Variants in USH2A observed in about 807,000 individuals in gnomAD.
USH2A encodes the protein usherin, also known as Usher syndrome 2A (autosomal recessive, mild).
In USH2A, 443 loss-of-function variants were observed where a neutral mutation model predicts 538.9. The ratio of observed to expected loss-of-function variants is 0.82; its 90% CI spans 0.76 to 0.89. The LOEUF (loss-of-function observed/expected upper bound fraction) is 0.89, where lower values mean the gene tolerates loss of function less well. Among genes scored for constraint, USH2A ranks in the 40% least tolerant of loss-of-function variants. The pLI is 0.00. For missense variants in USH2A, 6,633 were observed against 6,324.8 expected, an observed-to-expected ratio of 1.05 and a Z score of -1.65; for synonymous variants, 2,413 against 2,273.5, an observed-to-expected ratio of 1.06 and a Z score of -1.75.
chr1:215,799,173 G>A, intron 49 of USH2A, 48 bp from the exon 50 acceptor site: 1 of 1,535,402 alleles, frequency 6.5e-7, no homozygotes, highest in South Asian at 1.2e-5. Context: ...AAAAAAATAT[G>A]CTATGACTAA....
At chr1:216,204,583 A>G (rs1167117440) in intron 16 of USH2A, among the ~76,000 whole-genome samples, 2 of 152,184 alleles carry the variant, frequency 1.3e-5, no homozygotes, top group African/African-American at 4.8e-5. Flanking sequence ...CAAACAAACT[A>G]TCAAACTTGC....
chr1:216,360,766 G>A (rs1178614736), intron 4 of USH2A, among the ~76,000 whole-genome samples: 2 of 152,014 alleles, frequency 1.3e-5, no homozygotes, highest in East Asian at 1.9e-4. Context: ...ACAAATAGGA[G>A]TGAGACCTCT....
chr1:215,830,659 G>A (rs1000321255), intron 47 of USH2A, among the ~76,000 whole-genome samples: 2 of 152,146 alleles, frequency 1.3e-5, no homozygotes, highest in South Asian at 2.1e-4. Context: ...ATGAACGAAC[G>A]CAAGTCCTGA....
intron 21 of USH2A, among the ~76,000 whole-genome samples, chr1:216,114,529 A>T (rs1258399812): frequency 6.6e-6 from 1 of 152,104 alleles, no homozygotes; most frequent in Non-Finnish European, 1.5e-5. Context: ...TTCATTTTTT[A>T]CATAATTTTA....
rs144248695 is a variant in USH2A, at chr1:216,055,905, CT to C, written c.6050-7259del. 9.7e-3 allele frequency among the ~76,000 whole-genome samples: 1,481 copies of C among 152,206 alleles called. 28 individuals are homozygous for C. The highest frequency in any genetic ancestry group is 0.034 in the African/African-American group (1,422 of 41,526). ...ATTTCCTTCAAATGGGTTTTTTGAC[CT>C]TGTTTAAAACTTTTGGTAGAGAGCA... is the stretch of plus-strand genomic sequence containing the variant. On this transcript the variant is annotated intron_variant, in intron 30 of 71. Transcript: ENST00000307340.
intron 32 of USH2A, among the ~76,000 whole-genome samples, chr1:216,003,846 C>T (rs574462123): frequency 6.6e-4 from 100 of 152,144 alleles, no homozygotes; most frequent in African/African-American, 2.0e-3. Flanking sequence ...GGCTGCCAGA[C>T]GTATAGATGG....
chr1:216,200,578 C>T (rs1237760951), intron 16 of USH2A, among the ~76,000 whole-genome samples: 1 of 152,146 alleles, frequency 6.6e-6, no homozygotes. Context: ...TTCTGACCTA[C>T]AGAAATTATA....
At chr1:216,017,903 T>C (rs1668755719) in intron 32 of USH2A, among the ~76,000 whole-genome samples, 2 of 152,186 alleles carry the variant, frequency 1.3e-5, no homozygotes, top group Admixed American at 1.3e-4. Flanking sequence ...CATAAGAAAG[T>C]AATGAATCTC....
chr1:215,998,758 T>C (rs1469270199), intron 34 of USH2A, 129 bp downstream of exon 34: 1 of 979,212 alleles, frequency 1.0e-6, no homozygotes, highest in South Asian at 1.4e-5. Flanking sequence ...GAGTTTTCAG[T>C]ATAAACAGCA....
chr1:216,301,954 G>T (rs1398380), intron 9 of USH2A, among the ~76,000 whole-genome samples: 110,391 of 151,600 alleles, frequency 0.73, 40,257 homozygotes, highest in East Asian at 0.79. Context: ...GCAATTCCAT[G>T]GTAATTCAAA....
At position 215,758,602 on chromosome 1, in the gene USH2A, T is replaced by C. The variant is rs200521328; in HGVS notation, c.11382A>G (p.Ile3794Met). The C allele has an allele frequency of 1.4e-5, 23 of 1,612,820 alleles. No individual in the cohort carries two copies. The East Asian group carries it at 4.7e-4, about 33-fold the overall frequency. Residue 3794 changes from isoleucine (I) to methionine (M), a missense_variant, in exon 58 of 72, where the codon ATA becomes ATG. Ile to Met is a conservative substitution (Grantham distance 10). Coordinates refer to ENST00000307340, the MANE Select transcript of USH2A (RefSeq NM_206933.4). ...IGPYSIFVAW[I>M]PPGILIPEIP... is the part of the protein sequence containing the mutation. The stretch of plus-strand genomic sequence containing the variant: ...CTTCTTTTTTTTTTTTACCTGGTGG[T>C]ATCCAAGCTACAAATATAGAATAAG...
intron 44 of USH2A, among the ~76,000 whole-genome samples, chr1:215,864,937 T>C (rs895727240): frequency 4.6e-5 from 7 of 152,300 alleles, no homozygotes; most frequent in Admixed American, 3.9e-4. Context: ...ACAAAGACCA[T>C]GCTTTAAAAT....
chr1:216,240,903 A>T (rs912905731), intron 13 of USH2A, among the ~76,000 whole-genome samples: 2 of 152,198 alleles, frequency 1.3e-5, no homozygotes, highest in Admixed American at 6.5e-5. Context: ...CTAAAGATCA[A>T]CCAGCCTGAA....
At chr1:216,301,208 AG>A (rs1292814483) in intron 9 of USH2A, among the ~76,000 whole-genome samples, 1 of 152,206 alleles carries the variant, frequency 6.6e-6, no homozygotes, top group Non-Finnish European at 1.5e-5. Flanking sequence ...CTTTGAAAAA[AG>A]AAGGAAGAAA....
In USH2A at chr1:215,758,671, T is replaced by A. The variant is rs1218823336; in HGVS notation, c.11313A>T (p.Thr3771=). The A allele has an allele frequency of 6.2e-7, 1 of 1,613,928 alleles. No homozygotes were observed. The highest frequency in any genetic ancestry group is 1.1e-5 in the South Asian group (1 of 91,080). Residue 3771 remains threonine (T), a synonymous_variant, in exon 58 of 72, where the codon ACA becomes ACT. Coordinates refer to ENST00000307340, the MANE Select transcript of USH2A (RefSeq NM_206933.4). ...TATATGGAGGATAGATTTCTTCTGG[T>A]GTTGACATAGGTGTTTGAACAATGT... is the stretch of plus-strand genomic sequence containing the variant. ...DDYIVQTPMS[T]PEEIYPPYNI...
At position 216,325,481 on chromosome 1, in the gene USH2A, C is replaced by T. The variant is rs748694866; in HGVS notation, c.967G>A (p.Asp323Asn). Residue 323 changes from aspartate (D) to asparagine (N), a missense_variant, in exon 6 of 72, where the codon GAT becomes AAT. Asp to Asn is a conservative substitution (Grantham distance 23, BLOSUM62 1). Transcript: ENST00000307340. The part of the protein sequence containing the change: ...PLAQRYCIPN[D>N]AGDTADNRVS... ...CTATTATCAGCTGTGTCTCCTGCAT[C>T]ATTAGGAATGCAGTACCGCTGTGCC... The T allele has an allele frequency of 1.2e-6, 2 of 1,613,900 alleles. No homozygotes were observed. The highest frequency in any genetic ancestry group is 1.7e-5 in the Admixed American group (1 of 59,966).
chr1:215,928,417 T>C (rs1162566136), intron 38 of USH2A, among the ~76,000 whole-genome samples: 2 of 152,154 alleles, frequency 1.3e-5, no homozygotes, highest in African/African-American at 4.8e-5. Context: ...CATCATTATT[T>C]CAAAAGCAGA....
chr1:216,107,955 TAC>T (rs1469658295), intron 21 of USH2A, among the ~76,000 whole-genome samples: 2 of 151,922 alleles, frequency 1.3e-5, no homozygotes, highest in Non-Finnish European at 2.9e-5. Flanking sequence ...CTATTTTTTA[TAC>T]AGTTTAATTT....
At chr1:215,946,016 C>T (rs950778044) in intron 37 of USH2A, among the ~76,000 whole-genome samples, 2 of 152,120 alleles carry the variant, frequency 1.3e-5, no homozygotes, top group Non-Finnish European at 1.5e-5. Flanking sequence ...CAAAAGAAGT[C>T]ATATCAGAAA....
Sources: gnomAD v4.1 joint callset for allele counts (sites outside exome capture counted in the v4.1 genomes callset) on GRCh38, gnomAD v4.1.1 for gene constraint, MANE v1.5 for transcripts, NCBI Gene and HGNC (gene_info 2026-07-23, HGNC 2026-07-21) for gene names.